The following XKR9 variants were observed in gnomAD, a reference collection of about 807,000 sequenced individuals.
The protein encoded by XKR9 is XK-related protein 9.
A neutral mutation model predicts 32.0 loss-of-function variants in XKR9; 32 were observed. The ratio of observed to expected loss-of-function variants is 1.00; its 90% CI spans 0.76 to 1.34. XKR9 has a LOEUF of 1.34. XKR9 is among the 40% of genes most tolerant of loss of function. XKR9 has a pLI of 0.00. For missense variants in XKR9, 546 were observed against 429.7 expected (o/e 1.27, Z -2.39); for synonymous variants, 168 against 143.4 (o/e 1.17, Z -1.22).
chr8:70,757,277 T>C (rs1365217459), intron 2 of XKR9, among the ~76,000 whole-genome samples: 1 of 152,200 alleles, frequency 6.6e-6, no homozygotes, highest in Non-Finnish European at 1.5e-5. Flanking sequence ...CCCATATTTC[T>C]GTGAGGGTCT....
intron 3 of XKR9, among the ~76,000 whole-genome samples, chr8:70,685,801 G>A (rs1392192778): frequency 1.1e-3 from 139 of 130,294 alleles, no homozygotes; most frequent in East Asian, 8.8e-3. Context: ...GAGTTAATGG[G>A]TGCAGCACAC....
At chr8:70,934,958 C>T in the XKR9 span, among the ~76,000 whole-genome samples, 4 of 151,340 alleles carry the variant, frequency 2.6e-5, no homozygotes, top group South Asian at 8.3e-4. Flanking sequence ...TTGAAATGTA[C>T]TAAAATATAA....
chr8:70,701,375 T>C (rs866949177), intron 3 of XKR9, among the ~76,000 whole-genome samples: 2 of 152,278 alleles, frequency 1.3e-5, no homozygotes, highest in Middle Eastern at 6.8e-3. Flanking sequence ...TCTCTGTAGG[T>C]CAGGTTGTTT....
the XKR9 span, among the ~76,000 whole-genome samples, chr8:70,946,512 A>G: frequency 6.6e-6 from 1 of 152,190 alleles, no homozygotes; most frequent in Admixed American, 6.5e-5. Flanking sequence ...AAGTGTCATT[A>G]TCTCTGTTTT....
intron 3 of XKR9, among the ~76,000 whole-genome samples, chr8:70,696,498 T>G (rs1424533349): frequency 6.7e-5 from 10 of 150,020 alleles, no homozygotes; most frequent in African/African-American, 1.5e-4. Context: ...GTTGTAGATA[T>G]GCGGCGTTAT....
At chr8:70,809,414 C>A in the XKR9 span, among the ~76,000 whole-genome samples, 1 of 152,180 alleles carries the variant, frequency 6.6e-6, no homozygotes, top group South Asian at 2.1e-4. Flanking sequence ...GAACGCAGCT[C>A]CTCACCAGCA....
the XKR9 span, among the ~76,000 whole-genome samples, chr8:70,810,940 C>G: frequency 6.6e-6 from 1 of 152,132 alleles, no homozygotes; most frequent in South Asian, 2.1e-4. Context: ...CCAAGTGGAC[C>G]TAAGAGACAT....
At chr8:71,044,785 AATAAT>A in the XKR9 span, among the ~76,000 whole-genome samples, 5 of 152,230 alleles carry the variant, frequency 3.3e-5, no homozygotes, top group African/African-American at 4.8e-5. Flanking sequence ...CCTTGAAGCT[AATAAT>A]TAAAATAAAT....
At chr8:70,758,992 G>C (rs1459530408) in intron 2 of XKR9, among the ~76,000 whole-genome samples, 2 of 152,058 alleles carry the variant, frequency 1.3e-5, no homozygotes, top group African/African-American at 2.4e-5. Flanking sequence ...TGACGGGGAG[G>C]GATCCTTCAA....
At chr8:71,016,920 C>T in the XKR9 span, among the ~76,000 whole-genome samples, 1 of 151,900 alleles carries the variant, frequency 6.6e-6, no homozygotes, top group African/African-American at 2.4e-5. Flanking sequence ...AATAGAATGC[C>T]AGTTTAAATA....
chr8:70,757,875 C>T (rs1807251968), intron 2 of XKR9, among the ~76,000 whole-genome samples: 1 of 152,190 alleles, frequency 6.6e-6, no homozygotes, highest in South Asian at 2.1e-4. Context: ...GCGTGAGCCA[C>T]CGTGCCTGGC....
Position 70,681,142 on chromosome 8 carries a change from A to G in XKR9, c.84A>G (p.Val28=). 6.2e-7 allele frequency: 1 copy of G among 1,613,566 alleles called. No homozygotes were observed. The change falls in exon 3 of 5, where the codon GTA becomes GTG. Residue 28 remains valine, a synonymous_variant. Coordinates refer to ENST00000408926, the MANE Select transcript of XKR9 (RefSeq NM_001011720.2). ...YVTDLIVDIW[V]SVRFFHEGQY... is the part of the protein sequence containing the mutation. ...CTGATTTAATTGTGGACATATGGGT[A>G]TCTGTCAGATTTTTCCATGAAGGAC...
At chr8:70,683,961 C>A (rs1220176867) in intron 3 of XKR9, among the ~76,000 whole-genome samples, 1 of 152,104 alleles carries the variant, frequency 6.6e-6, no homozygotes, top group Non-Finnish European at 1.5e-5. Flanking sequence ...TAGTTATGTT[C>A]TCTCTGCATA....
the XKR9 span, among the ~76,000 whole-genome samples, chr8:71,014,377 G>A: frequency 3.3e-5 from 5 of 152,166 alleles, no homozygotes; most frequent in Admixed American, 3.3e-4. Context: ...AAATCAAGGT[G>A]TTAGCAGGGT....
intron 1 of XKR9, among the ~76,000 whole-genome samples, chr8:70,673,367 A>G (rs1252717544): frequency 5.9e-5 from 9 of 152,216 alleles, no homozygotes; most frequent in Admixed American, 5.9e-4. Flanking sequence ...AAATGATTTA[A>G]AAGTAAGGCA....
chr8:70,761,869 G>C (rs1807313708), intron 2 of XKR9, among the ~76,000 whole-genome samples: 1 of 151,330 alleles, frequency 6.6e-6, no homozygotes, highest in African/African-American at 2.4e-5. Flanking sequence ...GTTGGTTTTT[G>C]TATATGGTGT....
chr8:70,962,480 A>T, the XKR9 span, among the ~76,000 whole-genome samples: 1 of 152,176 alleles, frequency 6.6e-6, no homozygotes, highest in South Asian at 2.1e-4. Context: ...CTGTTCCTGC[A>T]TTAATTCACT....
chr8:70,909,170 C>T, the XKR9 span, among the ~76,000 whole-genome samples: 2 of 152,148 alleles, frequency 1.3e-5, no homozygotes, highest in Non-Finnish European at 2.9e-5. Context: ...TTGCTTTAAA[C>T]CTTCCAATGG....
At chr8:70,805,315 G>A in the XKR9 span, among the ~76,000 whole-genome samples, 1 of 152,298 alleles carries the variant, frequency 6.6e-6, no homozygotes, top group Non-Finnish European at 1.5e-5. Flanking sequence ...CGCCACTGGC[G>A]CCTAGTGTCT....
Sources: allele counts gnomAD v4.1 joint callset (sites outside exome capture counted in the v4.1 genomes callset), GRCh38; gene constraint gnomAD v4.1.1; transcripts MANE v1.5; gene names NCBI Gene and HGNC (gene_info 2026-07-23, HGNC 2026-07-21).